Variants in FBXO42 observed in about 807,000 individuals in gnomAD.
The protein encoded by FBXO42 is F-box only protein 42.
FBXO42 carries 12 observed loss-of-function variants against 71.7 expected under a neutral mutation model. The ratio of observed to expected loss-of-function variants is 0.17; its 90% CI spans 0.11 to 0.27. The LOEUF (loss-of-function observed/expected upper bound fraction) is 0.27. Among genes scored for constraint, FBXO42 ranks in the 10% least tolerant of loss-of-function variants. The pLI is 1.00. For missense variants in FBXO42, 707 were observed against 911.9 expected (o/e 0.78, Z 2.89); for synonymous variants, 325 against 327.5 (o/e 0.99, Z 0.08).
chr1:16,343,825 A>C (rs2082629360), intron 1 of FBXO42, among the ~76,000 whole-genome samples: 1 of 151,608 alleles, frequency 6.6e-6, no homozygotes, highest in Non-Finnish European at 1.5e-5. Context: ...TCTCAAAAAA[A>C]AATATTGGCC....
At chr1:16,311,134 C>T (rs1290443803) in intron 2 of FBXO42, among the ~76,000 whole-genome samples, 2 of 104,534 alleles carry the variant, frequency 1.9e-5, no homozygotes, top group East Asian at 2.3e-4. Flanking sequence ...GCCGAGATCG[C>T]GCCCCTGCAC....
At chr1:16,288,161 C>T (rs751505270) in intron 4 of FBXO42, among the ~76,000 whole-genome samples, 25 of 151,474 alleles carry the variant, frequency 1.7e-4, no homozygotes, top group Non-Finnish European at 2.8e-4. Context: ...AATAATAGGC[C>T]GGGTGCAGTG....
chr1:16,315,986 C>G (rs2082359555), intron 1 of FBXO42, among the ~76,000 whole-genome samples: 1 of 151,886 alleles, frequency 6.6e-6, no homozygotes, highest in African/African-American at 2.4e-5. Flanking sequence ...GCCTGACAAA[C>G]ATGGAGAAAC....
chr1:16,293,794 C>T (rs1453245722), intron 4 of FBXO42: 3 of 152,126 alleles, frequency 2.0e-5, no homozygotes, highest in Non-Finnish European at 4.4e-5. Flanking sequence ...CCTTTTTAGC[C>T]CATTTAAAAA....
In FBXO42 at chr1:16,250,868, T is replaced by C; in HGVS notation, c.1956A>G (p.Lys652=). 1 of 1,614,186 alleles carries C rather than the reference T, an allele frequency of 6.2e-7. No homozygotes were observed. The highest frequency in any genetic ancestry group is 8.5e-7 in the Non-Finnish European group (1 of 1,180,036). Residue 652 remains lysine (K), a synonymous_variant, in exon 10 of 10, where the codon AAA becomes AAG. Transcript: ENST00000375592. The surrounding 1 kb of genome is among the most constrained non-coding windows in gnomAD (Gnocchi z 4.7). ...KPMQMYVLDI[K]DTKEKGRVKW... is the part of the protein sequence containing the mutation. The stretch of plus-strand genomic sequence containing the variant: ...TGACCCGCCCCTTCTCCTTGGTGTC[T>C]TTAATGTCCAGCACGTACATCTGCA...
At chr1:16,346,671 G>C (rs985968907) in intron 1 of FBXO42, among the ~76,000 whole-genome samples, 4 of 146,480 alleles carry the variant, frequency 2.7e-5, no homozygotes, top group African/African-American at 1.0e-4. Flanking sequence ...CTGGGCGACA[G>C]AGCTAGACTC....
intron 4 of FBXO42, among the ~76,000 whole-genome samples, chr1:16,279,854 C>CTTTTTTTTTTTTTTTT (rs1553151074): frequency 2.2e-5 from 3 of 138,168 alleles, no homozygotes; most frequent in African/African-American, 8.2e-5. Context: ...TTTTTTTTTT[C>CTTTTTTTTTTTTTTTT]TTTTTTTTTT....
At chr1:16,319,193 C>T (rs1416238273) in intron 1 of FBXO42, among the ~76,000 whole-genome samples, 1 of 152,130 alleles carries the variant, frequency 6.6e-6, no homozygotes, top group African/African-American at 2.4e-5. Context: ...TCGAAATATA[C>T]TTTGGGGCTT....
intron 4 of FBXO42, among the ~76,000 whole-genome samples, chr1:16,268,819 C>T (rs1056604330): frequency 4.0e-5 from 6 of 151,592 alleles, no homozygotes; most frequent in East Asian, 4.0e-4. Flanking sequence ...AACAAACAAA[C>T]GAACAAAAAA....
chr1:16,276,654 A>G (rs1349461047), intron 4 of FBXO42, among the ~76,000 whole-genome samples: 1 of 152,236 alleles, frequency 6.6e-6, no homozygotes, highest in Non-Finnish European at 1.5e-5. Context: ...ATAGCATTGG[A>G]GATATACAAG....
chr1:16,267,235 A>C (rs1160989229), intron 4 of FBXO42, among the ~76,000 whole-genome samples: 1 of 152,212 alleles, frequency 6.6e-6, no homozygotes, highest in Non-Finnish European at 1.5e-5. Context: ...GTGGCCAATA[A>C]TAATTACAAG....
chr1:16,274,453 T>C (rs368347587), intron 4 of FBXO42, among the ~76,000 whole-genome samples: 166 of 152,146 alleles, frequency 1.1e-3, no homozygotes, highest in African/African-American at 3.9e-3. Flanking sequence ...GAAGAAAGTT[T>C]TCGTATCTTG....
chr1:16,300,916 T>C (rs1011579318), intron 3 of FBXO42, among the ~76,000 whole-genome samples: 13 of 130,586 alleles, frequency 1.0e-4, no homozygotes, highest in Middle Eastern at 3.8e-3. Context: ...TTTTTTTTTT[T>C]GAGACAGAGT....
chr1:16,277,713 G>A (rs2081920107), intron 4 of FBXO42, among the ~76,000 whole-genome samples: 2 of 136,206 alleles, frequency 1.5e-5, no homozygotes, highest in Admixed American at 1.6e-4. Context: ...GACAGAGCGA[G>A]ATTCTGTCTC....
chr1:16,253,575 C>A lies in FBXO42; in HGVS notation c.864+60G>T, dbSNP rs1164227381. ...TCTTACCTGACTCCCTCCTCCCTCT[C>A]CCGTCCTAACTGAAAGACGCTACAG... On this transcript the variant is annotated intron_variant, in intron 7 of 9. Transcript: ENST00000375592. The A allele has an allele frequency of 3.3e-6, 5 of 1,514,082 alleles. No individual in the cohort carries two copies. The African/African-American group carries it at 6.9e-5, about 21-fold the overall frequency. The allele number at this position is 1,514,082 out of a possible 1,614,324, so 93.8% of individuals were successfully genotyped here. A position where few individuals can be genotyped will look rare whatever the true frequency, so the allele number is the denominator to read the frequency against.
rs118132339 is a variant in FBXO42, at chr1:16,317,396, T to C, written c.-17-1961A>G. ...TCACTCCGCACTCCAGCCTGGGCAA[T>C]AGAGTGAGATCGTCTCAACAAACAA... On this transcript the variant is annotated intron_variant, in intron 1 of 9. Transcript: ENST00000375592. 7.2e-4 allele frequency among the ~76,000 whole-genome samples: 107 copies of C among 147,984 alleles called. No individual in the cohort carries two copies. The East Asian group carries it at 0.017, about 24-fold the overall frequency.
At chr1:16,253,825 C>T in intron 6 of FBXO42, 94 bp from the exon 7 acceptor site, 1 of 1,084,636 alleles carries the variant, frequency 9.2e-7, no homozygotes, top group Admixed American at 2.0e-5. Context: ...GCCCATCTGG[C>T]AAACTTGCAC....
chr1:16,259,888 G>A (rs1404537782), intron 4 of FBXO42, among the ~76,000 whole-genome samples: 1 of 152,078 alleles, frequency 6.6e-6, no homozygotes, highest in African/African-American at 2.4e-5. Flanking sequence ...TGTAAGTAGA[G>A]GAAAGACTAC....
chr1:16,264,610 AG>A (rs2081751411), intron 4 of FBXO42, among the ~76,000 whole-genome samples: 1 of 152,186 alleles, frequency 6.6e-6, no homozygotes, highest in Admixed American at 6.5e-5. Flanking sequence ...CTCTTCCCCT[AG>A]AGCCCTCTTC....
Sources: allele counts gnomAD v4.1 joint callset (sites outside exome capture counted in the v4.1 genomes callset), GRCh38; gene constraint gnomAD v4.1.1; non-coding constraint Gnocchi (gnomAD v3.1); transcripts MANE v1.5; gene names NCBI Gene and HGNC (gene_info 2026-07-23, HGNC 2026-07-21).